The following FSIP1 variants were observed in gnomAD, a reference collection of about 807,000 sequenced individuals.
FSIP1 encodes the protein fibrous sheath-interacting protein 1.
Under a neutral mutation model 60.9 loss-of-function variants are expected in FSIP1, and 65 were observed. The ratio of observed to expected loss-of-function variants is 1.07; its 90% CI spans 0.87 to 1.31. The LOEUF (loss-of-function observed/expected upper bound fraction) is 1.31, where lower values mean the gene tolerates loss of function less well. Among genes scored for constraint, FSIP1 ranks in the 40% most tolerant of loss-of-function variants. FSIP1 has a pLI of 0.00. For missense variants in FSIP1, 675 were observed against 665.5 expected (o/e 1.01, Z -0.16); for synonymous variants, 209 against 221.2 (o/e 0.94, Z 0.49).
At chr15:39,700,390 A>C (rs1415503686) in intron 10 of FSIP1, among the ~76,000 whole-genome samples, 3 of 152,176 alleles carry the variant, frequency 2.0e-5, no homozygotes, top group Non-Finnish European at 4.4e-5. Flanking sequence ...ATTTTCGATC[A>C]GTCTCAGCCT....
chr15:39,770,952 G>T (rs1425751574), intron 2 of FSIP1, among the ~76,000 whole-genome samples: 1 of 152,238 alleles, frequency 6.6e-6, no homozygotes, highest in South Asian at 2.1e-4. Context: ...GGTCTAATAC[G>T]ACAGCCACTT....
At chr15:39,605,138 T>C (rs928996367) in intron 11 of FSIP1, among the ~76,000 whole-genome samples, 2 of 152,220 alleles carry the variant, frequency 1.3e-5, no homozygotes, top group African/African-American at 4.8e-5. Context: ...TCATTATTAG[T>C]AGAACTTTTT....
chr15:39,642,042 T>G (rs1892391589), intron 10 of FSIP1, among the ~76,000 whole-genome samples: 1 of 152,222 alleles, frequency 6.6e-6, no homozygotes, highest in African/African-American at 2.4e-5. Flanking sequence ...TTTGATATTT[T>G]GCTATAAAGC....
chr15:39,742,575 C>G (rs1896841436), intron 5 of FSIP1, among the ~76,000 whole-genome samples: 2 of 152,170 alleles, frequency 1.3e-5, no homozygotes, highest in South Asian at 4.1e-4. Flanking sequence ...GTGAGGGAAT[C>G]TGCCAGGTTG....
chr15:39,674,209 C>A (rs1256710547), intron 10 of FSIP1, among the ~76,000 whole-genome samples: 1 of 152,088 alleles, frequency 6.6e-6, no homozygotes, highest in Non-Finnish European at 1.5e-5. Flanking sequence ...CACCCACCAC[C>A]ACACCCAGCT....
At chr15:39,767,392 T>G (rs1416599574) in intron 3 of FSIP1, among the ~76,000 whole-genome samples, 1 of 152,168 alleles carries the variant, frequency 6.6e-6, no homozygotes, top group Non-Finnish European at 1.5e-5. Flanking sequence ...CAATGTAAAC[T>G]GTGTCAGCAG....
Position 39,763,833 on chromosome 15 carries a change from C to T in FSIP1, c.547G>A (p.Glu183Lys). 6.4e-7 allele frequency: 1 copy of T among 1,553,576 alleles called. No homozygotes were observed. Among genetic ancestry groups the T allele is most frequent in the Non-Finnish European group, 8.9e-7 (1 of 1,126,266 alleles). The change falls in exon 5 of 12, where the codon GAA becomes AAA. Residue 183 changes from glutamate (E) to lysine (K), a missense_variant. By Grantham distance (56) the Glu-to-Lys change is moderately conservative. Transcript: ENST00000350221. Reference protein sequence around the residue: ...KKFLSLTAVSEETVGPSHEEE... With the variant: ...KKFLSLTAVSKETVGPSHEEE... ...TCCATCTACTCACCAACAGTTTCTT[C>T]AGAAACAGCAGTCAAAGATAAAAAT... is the stretch of plus-strand genomic sequence containing the variant.
At chr15:39,621,965 T>C (rs1195789489) in intron 10 of FSIP1, among the ~76,000 whole-genome samples, 1 of 152,196 alleles carries the variant, frequency 6.6e-6, no homozygotes, top group African/African-American at 2.4e-5. Context: ...TAAACCATTT[T>C]TTAAGGCACT....
chr15:39,677,766 G>A (rs1235308455), intron 10 of FSIP1, among the ~76,000 whole-genome samples: 1 of 152,154 alleles, frequency 6.6e-6, no homozygotes, highest in Non-Finnish European at 1.5e-5. Flanking sequence ...GGGAGGCCGA[G>A]GCAGGCAGAT....
At chr15:39,763,142 C>G (rs542814759) in intron 5 of FSIP1, among the ~76,000 whole-genome samples, 3 of 152,056 alleles carry the variant, frequency 2.0e-5, no homozygotes, top group Admixed American at 1.3e-4. Context: ...ATAGATTATA[C>G]ATGTGTTACC....
chr15:39,774,984 T>C (rs2140730792), intron 2 of FSIP1, among the ~76,000 whole-genome samples: 1 of 152,288 alleles, frequency 6.6e-6, no homozygotes, highest in East Asian at 1.9e-4. Flanking sequence ...TGAGGTCTTC[T>C]GTTGATTTTG....
chr15:39,678,549 G>A (rs565067290), intron 10 of FSIP1, among the ~76,000 whole-genome samples: 2 of 151,896 alleles, frequency 1.3e-5, no homozygotes, highest in South Asian at 2.1e-4. Context: ...TAATGTAATC[G>A]GGAAACATAC....
intron 10 of FSIP1, among the ~76,000 whole-genome samples, chr15:39,655,387 C>T (rs751140670): frequency 1.3e-5 from 2 of 152,184 alleles, no homozygotes; most frequent in Non-Finnish European, 2.9e-5. Context: ...AGGACATTTT[C>T]ATCCTAGAAT....
intron 10 of FSIP1, among the ~76,000 whole-genome samples, chr15:39,710,776 T>C (rs1016803146): frequency 6.6e-6 from 1 of 152,250 alleles, no homozygotes; most frequent in Non-Finnish European, 1.5e-5. Flanking sequence ...TTCGCTCCAT[T>C]TCTTCATCTA....
chr15:39,671,656 C>A (rs2411300), intron 10 of FSIP1, among the ~76,000 whole-genome samples: 81,089 of 151,878 alleles, frequency 0.53, 23,329 homozygotes, highest in Non-Finnish European at 0.66. Context: ...TGGAGTCCTG[C>A]ATTAATGCAT....
chr15:39,779,182 A>T (rs1898163150), intron 1 of FSIP1, among the ~76,000 whole-genome samples: 1 of 152,192 alleles, frequency 6.6e-6, no homozygotes, highest in Admixed American at 6.5e-5. Flanking sequence ...CTAATAGAAA[A>T]CTGGGTAAAG....
intron 10 of FSIP1, among the ~76,000 whole-genome samples, chr15:39,644,262 A>G (rs1165721006): frequency 6.6e-6 from 1 of 152,188 alleles, no homozygotes; most frequent in African/African-American, 2.4e-5. Context: ...CTACAGGAAA[A>G]TGCATTAACT....
intron 10 of FSIP1, among the ~76,000 whole-genome samples, chr15:39,651,232 T>C (rs1243776568): frequency 6.6e-6 from 1 of 152,232 alleles, no homozygotes; most frequent in East Asian, 1.9e-4. Flanking sequence ...AAATCTTAAA[T>C]TTCTTAAGCT....
intron 10 of FSIP1, among the ~76,000 whole-genome samples, chr15:39,633,091 C>CGTT (rs1329095029): frequency 8.9e-6 from 1 of 112,870 alleles, no homozygotes; most frequent in African/African-American, 3.7e-5. Context: ...GGCTATACTT[C>CGTT]TTTTTTTTTT....
Sources: allele counts gnomAD v4.1 joint callset (sites outside exome capture counted in the v4.1 genomes callset), GRCh38; gene constraint gnomAD v4.1.1; transcripts MANE v1.5; gene names NCBI Gene and HGNC (gene_info 2026-07-23, HGNC 2026-07-21).